Variants in C10orf53 observed in about 807,000 individuals in gnomAD.
C10orf53 encodes the protein chromosome 10 open reading frame 53, also known as UPF0728 protein C10orf53.
In C10orf53, 8 loss-of-function variants were observed where a neutral mutation model predicts 9.4. The observed-to-expected ratio is 0.85, with a 90% confidence interval of 0.50 to 1.53. C10orf53 has a LOEUF of 1.53. Ranked by LOEUF, C10orf53 falls within the 40% of genes most tolerant of loss-of-function variation. The pLI is 0.00. For synonymous variants in C10orf53, 48 were observed against 46.0 expected, an observed-to-expected ratio of 1.04 and a Z score of -0.18; for missense variants, 117 against 117.8, an observed-to-expected ratio of 0.99 and a Z score of 0.03.
At chr10:49,706,995 A>C (rs1331591810) in intron 2 of C10orf53, among the ~76,000 whole-genome samples, 1 of 152,262 alleles carries the variant, frequency 6.6e-6, no homozygotes, top group Non-Finnish European at 1.5e-5. Context: ...GGAGGAAAAC[A>C]ATCCTTTACT....
At chr10:49,697,719 T>G (rs1014041854), downstream of C10orf53, among the ~76,000 whole-genome samples, 2 of 152,026 alleles carry the variant, frequency 1.3e-5, no homozygotes, top group Non-Finnish European at 2.9e-5. Flanking sequence ...GCCCAGCTAA[T>G]TTTTGTGTTT....
intron 1 of C10orf53, among the ~76,000 whole-genome samples, chr10:49,693,450 C>T (rs1214219642): frequency 6.6e-6 from 1 of 152,184 alleles, no homozygotes; most frequent in Non-Finnish European, 1.5e-5. Context: ...CAAGTCTTCT[C>T]CAGCACTGAG....
At chr10:49,704,461 C>G (rs1017481341) in intron 2 of C10orf53, among the ~76,000 whole-genome samples, 6 of 152,176 alleles carry the variant, frequency 3.9e-5, no homozygotes, top group African/African-American at 1.4e-4. Flanking sequence ...AGATACTAGG[C>G]CAGGCGCAGT....
downstream of C10orf53, among the ~76,000 whole-genome samples, chr10:49,698,870 C>T (rs1051057772): frequency 9.2e-5 from 14 of 152,094 alleles, no homozygotes; most frequent in Non-Finnish European, 1.8e-4. Context: ...ACTGAGGGCA[C>T]CATGCTGGTG....
chr10:49,702,658 G>T (rs935496910), intron 2 of C10orf53, among the ~76,000 whole-genome samples: 1 of 152,158 alleles, frequency 6.6e-6, no homozygotes, highest in Non-Finnish European at 1.5e-5. Flanking sequence ...TCAGCCAGCA[G>T]GTAGCAGGAC....
Position 49,708,773 on chromosome 10 carries a change from T to A in C10orf53, c.*156T>A, listed in dbSNP as rs551281256. ...CCAGCTAGATGTCCCACAGGCAACCTGTGGCAAACCCAACGTGATTCTCCC... is the reference window on the plus strand; with the variant it reads ...CCAGCTAGATGTCCCACAGGCAACCAGTGGCAAACCCAACGTGATTCTCCC... On this transcript the variant is annotated 3_prime_UTR_variant, in exon 3 of 3. Transcript: ENST00000374112. 1.8e-5 allele frequency: 20 copies of A among 1,088,702 alleles called. No individual in the cohort carries two copies. The South Asian group carries it at 3.3e-4, about 18-fold the overall frequency. 67.4% of individuals were successfully genotyped at this position (1,088,702 alleles called of 1,614,324 possible). A position where few individuals can be genotyped will look rare whatever the true frequency, so the allele number is the denominator to read the frequency against.
downstream of C10orf53, among the ~76,000 whole-genome samples, chr10:49,698,893 AG>A (rs1338944109): frequency 6.6e-6 from 1 of 152,188 alleles, no homozygotes; most frequent in Non-Finnish European, 1.5e-5. Context: ...AGACAACAAC[AG>A]GGTGGACAGC....
At chr10:49,688,761 G>T (rs770999071) in intron 1 of C10orf53, among the ~76,000 whole-genome samples, 1 of 152,098 alleles carries the variant, frequency 6.6e-6, no homozygotes, top group African/African-American at 2.4e-5. Flanking sequence ...CGCCTGGAAC[G>T]CTCTTTCCTA....
intron 1 of C10orf53, among the ~76,000 whole-genome samples, chr10:49,688,590 G>C (rs1840551668): frequency 6.6e-6 from 1 of 151,112 alleles, no homozygotes; most frequent in Non-Finnish European, 1.5e-5. Context: ...AGGCTCACAT[G>C]GCCCTCTAGG....
chr10:49,697,593 C>T (rs1423538816), downstream of C10orf53, among the ~76,000 whole-genome samples: 3 of 152,176 alleles, frequency 2.0e-5, no homozygotes, highest in African/African-American at 7.2e-5. Flanking sequence ...GCTCTGTCAC[C>T]GAGGCTGGAG....
At chr10:49,706,501 A>T (rs1004165416) in intron 2 of C10orf53, among the ~76,000 whole-genome samples, 1 of 152,382 alleles carries the variant, frequency 6.6e-6, no homozygotes, top group African/African-American at 2.4e-5. Context: ...GTCCATTCAT[A>T]TGAAGTGTCC....
At position 49,696,102 on chromosome 10, in the gene C10orf53, A is replaced by G. The variant is rs1840632229; in HGVS notation, c.*1500A>G. On this transcript the variant is annotated 3_prime_UTR_variant, in exon 3 of 3. Coordinates refer to ENST00000374111, the MANE Select transcript of C10orf53 (RefSeq NM_001042427.3). ...TCTGAATATTCATAAAGAGATAGACATATAGAAATTGACTTCATCCATTTG... is the reference window on the plus strand; with the variant it reads ...TCTGAATATTCATAAAGAGATAGACGTATAGAAATTGACTTCATCCATTTG... The G allele has an allele frequency of 6.6e-6, 1 of 152,248 alleles. No individual in the cohort carries two copies. The highest frequency in any genetic ancestry group is 6.5e-5 in the Admixed American group (1 of 15,292). The allele number at this position is 152,248 out of a possible 1,614,324, so 9.4% of individuals were successfully genotyped here. A position where few individuals can be genotyped will look rare whatever the true frequency, so the allele number is the denominator to read the frequency against.
At chr10:49,688,769 C>CT (rs1474893041) in intron 1 of C10orf53, among the ~76,000 whole-genome samples, 2 of 152,162 alleles carry the variant, frequency 1.3e-5, no homozygotes, top group Admixed American at 6.5e-5. Flanking sequence ...ACGCTCTTTC[C>CT]TACGTGGTCT....
exon 3 of C10orf53, chr10:49,708,670 TG>T (rs1840740529): frequency 1.3e-6 from 2 of 1,596,660 alleles, no homozygotes; most frequent in South Asian, 1.1e-5. Flanking sequence ...AGGAAAATGG[TG>T]GGTCTGTTTC....
At chr10:49,703,584 G>A (rs752287471) in intron 2 of C10orf53, among the ~76,000 whole-genome samples, 7 of 152,166 alleles carry the variant, frequency 4.6e-5, no homozygotes, top group South Asian at 2.1e-4. Flanking sequence ...AGGTGCTCAC[G>A]GAGTGCCTGC....
At chr10:49,694,222 T>C in intron 2 of C10orf53, 2 of 577,628 alleles carry the variant, frequency 3.5e-6, no homozygotes, top group Non-Finnish European at 3.0e-6. Flanking sequence ...ATTATTTGCT[T>C]TCGAAGCTGC....
downstream of C10orf53, among the ~76,000 whole-genome samples, chr10:49,698,681 C>G (rs10857530): frequency 0.098 from 14,863 of 152,160 alleles, 892 homozygotes; most frequent in East Asian, 0.18. Context: ...CTATTCTTCC[C>G]AAACTGTCTG....
In C10orf53 at chr10:49,697,028, A is replaced by C. The variant is rs1362307452; in HGVS notation, c.*2426A>C. 6.6e-6 allele frequency among the ~76,000 whole-genome samples: 1 copy of C among 152,072 alleles called. No homozygotes were observed. Among genetic ancestry groups the C allele is most frequent in the Non-Finnish European group, 1.5e-5 (1 of 68,022 alleles). ...GCCAACATGGTGAAGCCTCATCTCT[A>C]CAAAAAATACAAAAATTAGCCAGGC... On this transcript the variant is annotated 3_prime_UTR_variant, in exon 3 of 3. Coordinates refer to ENST00000374111, the MANE Select transcript of C10orf53 (RefSeq NM_001042427.3).
chr10:49,707,160 C>A (rs1027886978), intron 2 of C10orf53, among the ~76,000 whole-genome samples: 1 of 152,098 alleles, frequency 6.6e-6, no homozygotes, highest in African/African-American at 2.4e-5. Context: ...GATGTAACTC[C>A]TGTCTGCTAA....
Sources: gnomAD v4.1 joint callset for allele counts (sites outside exome capture counted in the v4.1 genomes callset) on GRCh38, gnomAD v4.1.1 for gene constraint, MANE v1.5 for transcripts, NCBI Gene and HGNC (gene_info 2026-07-23, HGNC 2026-07-21) for gene names.